The following CDH17 variants were observed in gnomAD, a reference collection of about 807,000 sequenced individuals.
CDH17 encodes the protein cadherin-17.
In CDH17, 67 loss-of-function variants were observed where a neutral mutation model predicts 86.3. The ratio of observed to expected loss-of-function variants is 0.78; its 90% CI spans 0.64 to 0.95. The LOEUF is 0.95. Ranked by LOEUF, CDH17 falls within the 40% of genes least tolerant of loss-of-function variation. The probability of loss-of-function intolerance (pLI) is 0.00; values close to 1 mark genes in which losing one functional copy is unlikely to be tolerated. For missense variants in CDH17, 993 were observed against 1,017.6 expected, an observed-to-expected ratio of 0.98 and a Z score of 0.33; for synonymous variants, 367 against 366.4, an observed-to-expected ratio of 1.00 and a Z score of -0.02.
chr8:94,148,736 T>TTTCTTTCC lies in CDH17; in HGVS notation c.1927+7_1927+8insGGAAAGAA. ...CTTTTTTTTTGTTTTTTTTTTTTTT[T>TTTCTTTCC]TGCTTACCTACTTCTGTGGCCACCA... is the stretch of plus-strand genomic sequence containing the variant. On this transcript the variant is annotated splice_region_variant and intron_variant, in intron 14 of 17. Coordinates refer to ENST00000027335, the MANE Select transcript of CDH17 (RefSeq NM_004063.4). 1 of 1,457,644 alleles carries TTTCTTTCC rather than the reference T, an allele frequency of 6.9e-7. No individual in the cohort carries two copies. The highest frequency in any genetic ancestry group is 9.0e-7 in the Non-Finnish European group (1 of 1,108,350). The allele number at this position is 1,457,644 out of a possible 1,614,324, so 90.3% of individuals were successfully genotyped here.
intron 3 of CDH17, among the ~76,000 whole-genome samples, chr8:94,186,335 C>T (rs556876929): frequency 2.0e-5 from 3 of 152,106 alleles, no homozygotes; most frequent in Non-Finnish European, 2.9e-5. Context: ...CTTTCTGTTC[C>T]CTCATCCCCT....
At chr8:94,199,064 TATATATATATATATATA>T (rs1185174247) in intron 1 of CDH17, among the ~76,000 whole-genome samples, 27 of 27,464 alleles carry the variant, frequency 9.8e-4, no homozygotes, top group African/African-American at 2.1e-3. Context: ...TATATATATA[TATATATATATATATATA>T]TATTTTTTTT....
At chr8:94,192,567 G>A (rs1410670520) in intron 2 of CDH17, among the ~76,000 whole-genome samples, 1 of 152,154 alleles carries the variant, frequency 6.6e-6, no homozygotes, top group Non-Finnish European at 1.5e-5. Context: ...GGACCACCAA[G>A]CCCCAACTCT....
At chr8:94,197,237 G>T (rs531299544) in intron 1 of CDH17, 1 of 152,530 alleles carries the variant, frequency 6.6e-6, no homozygotes, top group Non-Finnish European at 1.5e-5. Context: ...CACCTGGGAG[G>T]CTGAGGTGGG....
At position 94,173,861 on chromosome 8, in the gene CDH17, T is replaced by C. The variant is rs1334117162; in HGVS notation, c.719A>G (p.Lys240Arg). ...CACCATCTCCACAGGTTTTGGTGCT[T>C]TCCAAATATTCTCTGTCACTATGAT... ...VDIIVTENIW[K>R]APKPVEMVEN... The change falls in exon 7 of 18, where the codon AAA becomes AGA. Residue 240 changes from lysine (K) to arginine (R), a missense_variant. Physicochemically the swap from Lys to Arg is conservative, Grantham distance 26. Coordinates refer to ENST00000027335, the MANE Select transcript of CDH17 (RefSeq NM_004063.4). The C allele has an allele frequency of 7.4e-6, 12 of 1,613,890 alleles. No individual in the cohort carries two copies. Among genetic ancestry groups the C allele is most frequent in the Non-Finnish European group, 1.0e-5 (12 of 1,179,864 alleles).
intron 9 of CDH17, among the ~76,000 whole-genome samples, chr8:94,169,340 A>C (rs1813224164): frequency 6.6e-6 from 1 of 152,184 alleles, no homozygotes; most frequent in Non-Finnish European, 1.5e-5. Context: ...AATGAAACAG[A>C]GAGGACCTGC....
At chr8:94,205,909 TC>T (rs1477326364) in intron 1 of CDH17, among the ~76,000 whole-genome samples, 1 of 152,150 alleles carries the variant, frequency 6.6e-6, no homozygotes, top group African/African-American at 2.4e-5. Flanking sequence ...CTAGATGGCC[TC>T]TTGGTGAGGA....
chr8:94,167,291 T>A (rs1813175817), intron 9 of CDH17, among the ~76,000 whole-genome samples: 1 of 152,126 alleles, frequency 6.6e-6, no homozygotes, highest in Admixed American at 6.5e-5. Flanking sequence ...ACCATCCTAC[T>A]CTGGGAGGTG....
At chr8:94,189,339 C>G in intron 2 of CDH17, 54 bp from the exon 3 acceptor site, 1 of 1,314,064 alleles carries the variant, frequency 7.6e-7, no homozygotes, top group Non-Finnish European at 1.1e-6. Flanking sequence ...CTGTGTCACT[C>G]ATTGATTTTA....
In CDH17 at chr8:94,189,265, C is replaced by A. The variant is rs752886543; in HGVS notation, c.72G>T (p.Glu24Asp). Residue 24 changes from glutamate (E) to aspartate (D), a missense_variant, in exon 3 of 18, where the codon GAG becomes GAT. Glu to Asp is a conservative substitution (Grantham distance 45). Coordinates refer to ENST00000027335, the MANE Select transcript of CDH17 (RefSeq NM_004063.4). Reference sequence around the variant, plus strand: ...GTTTCAGGGGTCCACTAAACTTCCCCTCTTGGCCATATCCAGTTGCCTGTT... The same window carrying A: ...GTTTCAGGGGTCCACTAAACTTCCCATCTTGGCCATATCCAGTTGCCTGTT... ...MLYLATGYGQ[E>D]GKFSGPLKPM... is the part of the protein sequence containing the mutation. The A allele has an allele frequency of 1.9e-6, 3 of 1,612,356 alleles. No homozygotes were observed. The highest frequency in any genetic ancestry group is 4.5e-5 in the East Asian group (2 of 44,840).
At chr8:94,200,773 G>A (rs1429864649) in intron 1 of CDH17, among the ~76,000 whole-genome samples, 3 of 151,694 alleles carry the variant, frequency 2.0e-5, no homozygotes, top group South Asian at 2.1e-4. Context: ...GAATCCCGCC[G>A]CGGCCTGGAT....
chr8:94,171,075 C>T, intron 7 of CDH17, 90 bp from the exon 8 acceptor site: 3 of 1,308,270 alleles, frequency 2.3e-6, no homozygotes, highest in Non-Finnish European at 3.1e-6. Flanking sequence ...AATTTGAAAT[C>T]TCTGACAACC....
Position 94,177,724 on chromosome 8 carries a change from G to A in CDH17, c.151-3C>T, listed in dbSNP as rs1813403174. 1 of 1,611,822 alleles carries A rather than the reference G, an allele frequency of 6.2e-7. No homozygotes were observed. Among genetic ancestry groups the A allele is most frequent in the Non-Finnish European group, 8.5e-7 (1 of 1,179,060 alleles). On this transcript the variant is annotated splice_region_variant and splice_polypyrimidine_tract_variant and intron_variant, in intron 3 of 17. Coordinates refer to ENST00000027335, the MANE Select transcript of CDH17 (RefSeq NM_004063.4). ...ACAGCAGGAGGATTGGCCTTAAACTGGGGAAAAAGCAAAAAACAGATTAAG... is the reference window on the plus strand; with the variant it reads ...ACAGCAGGAGGATTGGCCTTAAACTAGGGAAAAAGCAAAAAACAGATTAAG...
Position 94,130,882 on chromosome 8 carries a change from A to G in CDH17, c.2278T>C (p.Leu760=), listed in dbSNP as rs754978008. The change falls in exon 16 of 18, where the codon TTA becomes CTA. Residue 760 remains leucine, a synonymous_variant. Coordinates refer to ENST00000027335, the MANE Select transcript of CDH17 (RefSeq NM_004063.4). ...CCTATAGCAGAATATCTACCTGGTA[A>G]AGAAACAATGCCTTCCAAGGGTGGC... The part of the protein sequence containing the change: ...GRPPLEGIVS[L]PVTFCSCVEG... 1.9e-6 allele frequency: 3 copies of G among 1,599,138 alleles called. No individual in the cohort carries two copies. Among genetic ancestry groups the G allele is most frequent in the South Asian group, 2.2e-5 (2 of 90,760 alleles).
chr8:94,187,387 C>T (rs939935497), intron 3 of CDH17, among the ~76,000 whole-genome samples: 1 of 152,202 alleles, frequency 6.6e-6, no homozygotes, highest in African/African-American at 2.4e-5. Context: ...CTCACCGGAG[C>T]AGGGATGGAG....
In CDH17 at chr8:94,130,754, A is replaced by T; in HGVS notation, c.2285-15T>A. 1 of 1,596,480 alleles carries T rather than the reference A, an allele frequency of 6.3e-7. No homozygotes were observed. The highest frequency in any genetic ancestry group is 2.2e-5 in the East Asian group (1 of 44,808). ...GCAGAATGTAACTGAAAAGCAGGAC[A>T]GTATTTGGTAGGATAAATTCTCAAG... On this transcript the variant is annotated splice_polypyrimidine_tract_variant and intron_variant, in intron 16 of 17. Coordinates refer to ENST00000027335, the MANE Select transcript of CDH17 (RefSeq NM_004063.4).
At chr8:94,201,477 C>T (rs1447337915) in intron 1 of CDH17, among the ~76,000 whole-genome samples, 3 of 152,128 alleles carry the variant, frequency 2.0e-5, no homozygotes, top group South Asian at 4.1e-4. Context: ...GAGACAGGCT[C>T]ATCCACAAAG....
chr8:94,127,658 C>T lies in CDH17; in HGVS notation c.*582G>A, dbSNP rs1812327999. 2 of 152,218 alleles carry T rather than the reference C, an allele frequency of 1.3e-5. No individual in the cohort carries two copies. Among genetic ancestry groups the T allele is most frequent in the Admixed American group, 6.5e-5 (1 of 15,292 alleles). The allele number at this position is 152,218 out of a possible 1,614,324, so 9.4% of individuals were successfully genotyped here. A position where few individuals can be genotyped will look rare whatever the true frequency, so the allele number is the denominator to read the frequency against. ...GAATCCAGGCAGTTCTATGAGACAACACTGATATATCTCCTTGATAAAGAA... is the reference window on the plus strand; with the variant it reads ...GAATCCAGGCAGTTCTATGAGACAATACTGATATATCTCCTTGATAAAGAA... On this transcript the variant is annotated 3_prime_UTR_variant, in exon 18 of 18. Transcript: ENST00000027335.
intron 12 of CDH17, among the ~76,000 whole-genome samples, chr8:94,155,190 G>A (rs1438923035): frequency 1.3e-5 from 2 of 152,102 alleles, no homozygotes; most frequent in Non-Finnish European, 1.5e-5. Context: ...CCTGGCCCTC[G>A]TCGACCTCGT....
Sources: allele counts gnomAD v4.1 joint callset (sites outside exome capture counted in the v4.1 genomes callset), GRCh38; gene constraint gnomAD v4.1.1; transcripts MANE v1.5; gene names NCBI Gene and HGNC (gene_info 2026-07-23, HGNC 2026-07-21).